The following UIMC1 variants were observed in gnomAD, a reference collection of about 807,000 sequenced individuals.
UIMC1 encodes the protein BRCA1-A complex subunit RAP80.
UIMC1 carries 42 observed loss-of-function variants against 84.9 expected under a neutral mutation model. The observed-to-expected ratio is 0.49, with a 90% confidence interval of 0.39 to 0.64. The LOEUF is 0.64. Ranked by LOEUF, UIMC1 falls within the 30% of genes least tolerant of loss-of-function variation. The pLI, the probability that UIMC1 is intolerant of heterozygous loss-of-function variation, is 0.00. For synonymous variants in UIMC1, 281 were observed against 293.0 expected, an observed-to-expected ratio of 0.96 and a Z score of 0.42; for missense variants, 825 against 847.6, an observed-to-expected ratio of 0.97 and a Z score of 0.33.
intron 6 of UIMC1, among the ~76,000 whole-genome samples, chr5:176,959,893 T>C (rs1457621587): frequency 6.6e-6 from 1 of 151,806 alleles, no homozygotes; most frequent in Non-Finnish European, 1.5e-5. Context: ...TAGCCGGGCA[T>C]GGTGGCTCAC....
rs1007248273 is a variant in UIMC1, at chr5:176,981,553, C to G, written c.147+916G>C. On this transcript the variant is annotated intron_variant, in intron 2 of 14. Transcript: ENST00000511320. ...CAGTGGTTCACATCTGTAACCCCAGCACCTCAGGAGGCCTAGGCAGGATTG... is the reference window on the plus strand; with the variant it reads ...CAGTGGTTCACATCTGTAACCCCAGGACCTCAGGAGGCCTAGGCAGGATTG... Among the ~76,000 whole-genome samples, 8 of 152,200 alleles carry G rather than the reference C, an allele frequency of 5.3e-5. No homozygotes were observed. In the East Asian group the frequency reaches 1.4e-3, roughly 26 times the overall value.
chr5:176,972,602 G>A (rs1648047607), intron 3 of UIMC1, among the ~76,000 whole-genome samples: 1 of 151,962 alleles, frequency 6.6e-6, no homozygotes, highest in African/African-American at 2.4e-5. Context: ...TGGGCGTGGT[G>A]GCAGGCGCCT....
At chr5:176,933,184 C>T (rs1319622166) in intron 10 of UIMC1, among the ~76,000 whole-genome samples, 3 of 152,158 alleles carry the variant, frequency 2.0e-5, no homozygotes, top group African/African-American at 7.2e-5. Flanking sequence ...AAGTAAATCA[C>T]TTATAAAGAA....
chr5:177,005,267 G>T lies in UIMC1; in HGVS notation c.-9+1383C>A, dbSNP rs191153930. On this transcript the variant is annotated intron_variant, in intron 1 of 14. Coordinates refer to ENST00000511320, the MANE Select transcript of UIMC1 (RefSeq NM_001199298.2). ...TTTTTTTATTTTTTGTAGAGACAGG[G>T]TCTCCTATGTTGCCCAGGCGGGTCT... 3.6e-4 allele frequency among the ~76,000 whole-genome samples: 55 copies of T among 151,948 alleles called. No individual in the cohort carries two copies. The South Asian group carries it at 4.4e-3, about 12-fold the overall frequency.
intron 2 of UIMC1, among the ~76,000 whole-genome samples, chr5:176,977,476 A>G (rs1375700664): frequency 6.6e-6 from 1 of 151,412 alleles, no homozygotes; most frequent in Admixed American, 6.6e-5. Context: ...TTTAAAAATG[A>G]TTCAAATCAT....
chr5:176,948,064 C>T (rs1765366080), intron 9 of UIMC1, among the ~76,000 whole-genome samples: 1 of 152,002 alleles, frequency 6.6e-6, no homozygotes, highest in African/African-American at 2.4e-5. Flanking sequence ...TCTCACCACA[C>T]GACTCTTAAC....
intron 9 of UIMC1, among the ~76,000 whole-genome samples, chr5:176,948,171 C>CAGTT (rs1765377029): frequency 6.6e-6 from 1 of 152,172 alleles, no homozygotes; most frequent in African/African-American, 2.4e-5. Flanking sequence ...ATCTAAGACT[C>CAGTT]CAACTAAGGG....
intron 10 of UIMC1, among the ~76,000 whole-genome samples, chr5:176,913,166 G>A (rs899743758): frequency 2.6e-5 from 4 of 152,142 alleles, no homozygotes; most frequent in Non-Finnish European, 5.9e-5. Context: ...CCACTAAAAT[G>A]CAACCATCAT....
At chr5:176,927,994 G>T (rs1019143969) in intron 10 of UIMC1, among the ~76,000 whole-genome samples, 7 of 151,930 alleles carry the variant, frequency 4.6e-5, no homozygotes, top group African/African-American at 1.5e-4. Flanking sequence ...TGGGATTACA[G>T]GCAGGCGCCA....
At chr5:176,945,814 T>C (rs931224191) in intron 9 of UIMC1, among the ~76,000 whole-genome samples, 2 of 152,222 alleles carry the variant, frequency 1.3e-5, no homozygotes, top group Admixed American at 6.5e-5. Context: ...CATGGATTGT[T>C]TGTAACCAGC....
intron 10 of UIMC1, among the ~76,000 whole-genome samples, chr5:176,923,043 AG>A (rs1180719032): frequency 6.6e-6 from 1 of 152,240 alleles, no homozygotes; most frequent in East Asian, 1.9e-4. Flanking sequence ...ATAGGCTTCA[AG>A]CCCCTAAGCC....
chr5:177,021,453 G>A (rs1775817955), intron 1 of UIMC1, among the ~76,000 whole-genome samples: 1 of 152,150 alleles, frequency 6.6e-6, no homozygotes, highest in Non-Finnish European at 1.5e-5. Flanking sequence ...AGATGGGATA[G>A]CCAGACAAGG....
intron 1 of UIMC1, 37 bp from the exon 2 acceptor site, chr5:176,982,660 A>G: frequency 6.3e-7 from 1 of 1,576,402 alleles, no homozygotes; most frequent in Non-Finnish European, 8.6e-7. Flanking sequence ...CTAGAATAAA[A>G]AGATCATAAT....
At chr5:177,009,510 G>C (rs1775498151), upstream of UIMC1, among the ~76,000 whole-genome samples, 1 of 152,078 alleles carries the variant, frequency 6.6e-6, no homozygotes, top group Non-Finnish European at 1.5e-5. The surrounding 1 kb of genome is among the most constrained non-coding windows in gnomAD (Gnocchi z 4.3). Flanking sequence ...TATGAGTCAT[G>C]TTTTTCTGTT....
chr5:176,994,808 G>A (rs1033752893), intron 1 of UIMC1, among the ~76,000 whole-genome samples: 7 of 152,194 alleles, frequency 4.6e-5, no homozygotes, highest in African/African-American at 1.2e-4. Context: ...ATTAAATTGC[G>A]ACAGGTCTCG....
chr5:176,972,918 CT>C (rs56373708), intron 3 of UIMC1, among the ~76,000 whole-genome samples: 76,537 of 137,778 alleles, frequency 0.56, 21,774 homozygotes, highest in African/African-American at 0.79. Flanking sequence ...CTGGCAACTT[CT>C]TTTTTTTTTT....
chr5:176,998,251 G>A (rs1773915263), intron 1 of UIMC1, among the ~76,000 whole-genome samples: 1 of 151,944 alleles, frequency 6.6e-6, no homozygotes, highest in East Asian at 1.9e-4. Context: ...ATCATCTGAG[G>A]TCAGGAGTTC....
intron 12 of UIMC1, chr5:176,907,451 CT>C (rs1759538154): frequency 1.2e-5 from 4 of 346,276 alleles, no homozygotes; most frequent in Non-Finnish European, 1.1e-5. Flanking sequence ...AATAAACTGG[CT>C]GTATAAGTAA....
rs1581323178 is a variant in UIMC1 at position 176,907,281 on chromosome 5, G to A, written c.1849-104C>T. On this transcript the variant is annotated intron_variant, in intron 12 of 14. Transcript: ENST00000511320. The stretch of plus-strand genomic sequence containing the variant: ...TGTTCATAGAAGAGAAAAGGTGTGG[G>A]GGCCACAGCTCTAGGGAAGTCTTTT... 8.1e-6 allele frequency: 9 copies of A among 1,105,922 alleles called. No homozygotes were observed. The South Asian group carries it at 1.1e-4, about 14-fold the overall frequency. The allele number at this position is 1,105,922 out of a possible 1,614,324, so 68.5% of individuals were successfully genotyped here. A position where few individuals can be genotyped will look rare whatever the true frequency, so the allele number is the denominator to read the frequency against.
Sources: allele counts gnomAD v4.1 joint callset (sites outside exome capture counted in the v4.1 genomes callset), GRCh38; gene constraint gnomAD v4.1.1; non-coding constraint Gnocchi (gnomAD v3.1); transcripts MANE v1.5; gene names NCBI Gene and HGNC (gene_info 2026-07-23, HGNC 2026-07-21).